Variants in AUTS2 observed in about 807,000 individuals in gnomAD.
AUTS2 encodes activator of transcription and developmental regulator AUTS2.
In AUTS2, 17 loss-of-function variants were observed where a neutral mutation model predicts 112.4. The observed-to-expected ratio is 0.15, with a 90% CI of 0.10 to 0.23. AUTS2 has a LOEUF of 0.23. Ranked by LOEUF, AUTS2 falls within the 10% of genes least tolerant of loss-of-function variation. The pLI is 1.00. For missense variants in AUTS2, 1,510 were observed against 1,701.6 expected (o/e 0.89, Z 1.98); for synonymous variants, 751 against 702.7 (o/e 1.07, Z -1.09).
At chr7:70,007,318 C>T (rs1799589690) in intron 2 of AUTS2, among the ~76,000 whole-genome samples, 1 of 152,126 alleles carries the variant, frequency 6.6e-6, no homozygotes, top group Non-Finnish European at 1.5e-5. Context: ...TTGTAGAAAA[C>T]TTTGAAAGTA....
At chr7:70,682,438 T>A (rs1274637264) in intron 5 of AUTS2, among the ~76,000 whole-genome samples, 1 of 152,220 alleles carries the variant, frequency 6.6e-6, no homozygotes, top group African/African-American at 2.4e-5. Flanking sequence ...ATAGAAAACT[T>A]TTCCTTATTT....
At chr7:69,854,817 T>C (rs1381962465) in intron 1 of AUTS2, among the ~76,000 whole-genome samples, 1 of 152,220 alleles carries the variant, frequency 6.6e-6, no homozygotes, top group African/African-American at 2.4e-5. Flanking sequence ...TTGTAATTGT[T>C]CTGTGACTTT....
chr7:69,698,817 T>C (rs1797673840), intron 1 of AUTS2, among the ~76,000 whole-genome samples: 1 of 152,188 alleles, frequency 6.6e-6, no homozygotes, highest in South Asian at 2.1e-4. Context: ...GTGCTAAAAC[T>C]GCTGAGTTCT....
intron 1 of AUTS2, among the ~76,000 whole-genome samples, chr7:69,670,772 G>A (rs1224592483): frequency 6.6e-6 from 1 of 152,028 alleles, no homozygotes; most frequent in East Asian, 1.9e-4. Flanking sequence ...GCTGAAGTGG[G>A]AGGATCGCCT....
At chr7:70,379,706 A>G (rs1793282033) in intron 4 of AUTS2, among the ~76,000 whole-genome samples, 1 of 152,134 alleles carries the variant, frequency 6.6e-6, no homozygotes, top group Non-Finnish European at 1.5e-5. Context: ...AGGCTAGAAA[A>G]TCCTCTCAAC....
intron 2 of AUTS2, among the ~76,000 whole-genome samples, chr7:70,006,057 C>T (rs1799532475): frequency 1.3e-5 from 2 of 152,250 alleles, no homozygotes; most frequent in Non-Finnish European, 2.9e-5. Context: ...CAAGAAAGCA[C>T]GGCCCACCAC....
intron 5 of AUTS2, among the ~76,000 whole-genome samples, chr7:70,535,867 T>A (rs1585269013): frequency 6.6e-6 from 1 of 152,024 alleles, no homozygotes; most frequent in Non-Finnish European, 1.5e-5. Flanking sequence ...GGATGGTAGG[T>A]GAGAAAATAA....
At chr7:70,747,988 A>ATTTT (rs770222247) in intron 6 of AUTS2, among the ~76,000 whole-genome samples, 12,284 of 108,278 alleles carry the variant, frequency 0.11, 1,210 homozygotes, top group East Asian at 0.41. Flanking sequence ...CGCCCAGCCA[A>ATTTT]TTTTTTTTTT....
chr7:70,271,109 T>G (rs964736908), intron 4 of AUTS2, among the ~76,000 whole-genome samples: 3 of 152,174 alleles, frequency 2.0e-5, no homozygotes, highest in African/African-American at 7.2e-5. Context: ...CCTTGGCCTC[T>G]CTTCTGCACT....
At chr7:70,228,509 G>A (rs1451279301) in intron 4 of AUTS2, among the ~76,000 whole-genome samples, 1 of 150,138 alleles carries the variant, frequency 6.7e-6, no homozygotes, top group Non-Finnish European at 1.5e-5. Context: ...TGCTTCTTTT[G>A]TAACTAAATA....
intron 2 of AUTS2, among the ~76,000 whole-genome samples, chr7:70,103,047 A>C (rs1252234875): frequency 6.6e-6 from 1 of 152,206 alleles, no homozygotes; most frequent in Non-Finnish European, 1.5e-5. Flanking sequence ...ATTCCTTTAG[A>C]GATACCAGAA....
At chr7:70,107,234 A>C (rs1418602817) in intron 2 of AUTS2, among the ~76,000 whole-genome samples, 1 of 152,044 alleles carries the variant, frequency 6.6e-6, no homozygotes, top group Non-Finnish European at 1.5e-5. Context: ...AAGACTATGG[A>C]ATCTAAAGGC....
chr7:70,621,220 A>G (rs1281219261), intron 5 of AUTS2, among the ~76,000 whole-genome samples: 1 of 152,208 alleles, frequency 6.6e-6, no homozygotes, highest in Non-Finnish European at 1.5e-5. Context: ...GAGTGGGGGC[A>G]CACATTCCAG....
chr7:70,546,876 A>G (rs532655591), intron 5 of AUTS2, among the ~76,000 whole-genome samples: 1 of 152,228 alleles, frequency 6.6e-6, no homozygotes, highest in East Asian at 1.9e-4. Flanking sequence ...CATTACCCAC[A>G]GATGTGCATG....
At chr7:70,347,480 T>G (rs1353601055) in intron 4 of AUTS2, among the ~76,000 whole-genome samples, 2 of 152,160 alleles carry the variant, frequency 1.3e-5, no homozygotes, top group Non-Finnish European at 2.9e-5. Context: ...TCCCAGTGTT[T>G]CAGGATGTTT....
chr7:70,644,569 A>G (rs1017963724), intron 5 of AUTS2, among the ~76,000 whole-genome samples: 1 of 152,002 alleles, frequency 6.6e-6, no homozygotes, highest in Non-Finnish European at 1.5e-5. Flanking sequence ...CTCTGCTGAC[A>G]TTTCACTTGC....
intron 2 of AUTS2, among the ~76,000 whole-genome samples, chr7:70,002,794 T>C (rs1799258881): frequency 6.6e-6 from 1 of 152,062 alleles, no homozygotes; most frequent in African/African-American, 2.4e-5. Context: ...GAAGGTAAGA[T>C]TTGCCCAGAG....
chr7:70,417,529 A>G (rs1795038140), intron 4 of AUTS2, among the ~76,000 whole-genome samples: 1 of 152,166 alleles, frequency 6.6e-6, no homozygotes, highest in African/African-American at 2.4e-5. Context: ...GAGCTTTGCA[A>G]TGTGCGCTGT....
At chr7:69,674,694 T>C (rs530178591) in intron 1 of AUTS2, among the ~76,000 whole-genome samples, 2 of 152,284 alleles carry the variant, frequency 1.3e-5, no homozygotes, top group South Asian at 4.1e-4. Context: ...CAAAAATGAA[T>C]CAAATAACCG....
Sources: gnomAD v4.1 joint callset for allele counts (sites outside exome capture counted in the v4.1 genomes callset) on GRCh38, gnomAD v4.1.1 for gene constraint, MANE v1.5 for transcripts, NCBI Gene and HGNC (gene_info 2026-07-23, HGNC 2026-07-21) for gene names.